Variants in WWOX observed in about 807,000 individuals in gnomAD.
The protein encoded by WWOX is WW domain containing oxidoreductase.
A neutral mutation model predicts 46.2 loss-of-function variants in WWOX; 69 were observed. That is an observed-to-expected ratio of 1.49 (90% CI 1.23 to 1.82). The LOEUF is 1.82. Among genes scored for constraint, WWOX ranks in the 40% most tolerant of loss-of-function variants. The probability of loss-of-function intolerance (pLI) is 0.00; values close to 1 mark genes in which losing one functional copy is unlikely to be tolerated. For missense variants in WWOX, 919 were observed against 542.6 expected, an observed-to-expected ratio of 1.69 and a Z score of -6.89; for synonymous variants, 359 against 202.6, an observed-to-expected ratio of 1.77 and a Z score of -6.56.
chr16:78,420,379 T>A (rs2082895404), intron 6 of WWOX, among the ~76,000 whole-genome samples: 1 of 152,172 alleles, frequency 6.6e-6, no homozygotes. Flanking sequence ...TATCCATCAT[T>A]GGTGAATGGA....
intron 5 of WWOX, among the ~76,000 whole-genome samples, chr16:78,276,440 C>T (rs144555297): frequency 3.2e-4 from 48 of 152,294 alleles, no homozygotes; most frequent in African/African-American, 1.1e-3. Flanking sequence ...GTGTCCACAG[C>T]GATGTCAAGG....
chr16:78,126,608 G>C (rs781088465), intron 4 of WWOX, among the ~76,000 whole-genome samples: 1 of 152,068 alleles, frequency 6.6e-6, no homozygotes. Flanking sequence ...TTTATAAAGT[G>C]TCTATTACTT....
At chr16:79,117,282 T>C (rs983524094) in intron 8 of WWOX, among the ~76,000 whole-genome samples, 2 of 152,112 alleles carry the variant, frequency 1.3e-5, no homozygotes, top group East Asian at 3.9e-4. Context: ...GTGCCACAAT[T>C]ACAGGTGTGA....
At chr16:78,877,709 T>C (rs1396684629) in intron 8 of WWOX, among the ~76,000 whole-genome samples, 2 of 152,218 alleles carry the variant, frequency 1.3e-5, no homozygotes, top group Non-Finnish European at 2.9e-5. Flanking sequence ...TTTTTGTCTC[T>C]TTTGCTCACT....
intron 8 of WWOX, among the ~76,000 whole-genome samples, chr16:78,957,426 G>T (rs2046189549): frequency 6.6e-6 from 1 of 152,134 alleles, no homozygotes; most frequent in Non-Finnish European, 1.5e-5. Flanking sequence ...AATGCTTCAG[G>T]CCTGAACTTG....
chr16:78,622,794 G>T (rs1432477547), intron 8 of WWOX, among the ~76,000 whole-genome samples: 1 of 152,152 alleles, frequency 6.6e-6, no homozygotes, highest in Non-Finnish European at 1.5e-5. Flanking sequence ...TACCATTAAG[G>T]TCTTACATGA....
intron 8 of WWOX, among the ~76,000 whole-genome samples, chr16:78,624,080 G>C (rs1483244142): frequency 6.6e-6 from 1 of 152,150 alleles, no homozygotes; most frequent in Non-Finnish European, 1.5e-5. Context: ...CCTGCTTCTT[G>C]AATCACATTG....
At chr16:78,497,004 G>C (rs1441050624) in intron 8 of WWOX, among the ~76,000 whole-genome samples, 1 of 152,236 alleles carries the variant, frequency 6.6e-6, no homozygotes, top group Non-Finnish European at 1.5e-5. Context: ...GTTAGTAATG[G>C]GAAACTTTGG....
intron 8 of WWOX, among the ~76,000 whole-genome samples, chr16:78,683,293 C>T (rs993038041): frequency 2.0e-4 from 24 of 119,944 alleles, no homozygotes; most frequent in African/African-American, 5.8e-4. Flanking sequence ...GGTGGATTGC[C>T]TGAGCTCAGG....
chr16:79,091,690 C>T (rs968859123), intron 8 of WWOX, among the ~76,000 whole-genome samples: 2 of 152,020 alleles, frequency 1.3e-5, no homozygotes, highest in Admixed American at 1.3e-4. Flanking sequence ...GTTAAAGCAG[C>T]TCGCCTAAGG....
At chr16:78,401,969 G>T (rs533095744) in intron 6 of WWOX, among the ~76,000 whole-genome samples, 1 of 152,246 alleles carries the variant, frequency 6.6e-6, no homozygotes, top group East Asian at 1.9e-4. Context: ...AAAGTGCTGG[G>T]ATTACAGGCG....
chr16:78,578,254 T>TTTTATATA (rs1462537260), intron 8 of WWOX, among the ~76,000 whole-genome samples: 12 of 31,644 alleles, frequency 3.8e-4, no homozygotes, highest in Middle Eastern at 0.024. Flanking sequence ...ATACCAAATT[T>TTTTATATA]TATATATATA....
At chr16:78,894,396 A>G (rs2044656578) in intron 8 of WWOX, among the ~76,000 whole-genome samples, 1 of 152,174 alleles carries the variant, frequency 6.6e-6, no homozygotes, top group Non-Finnish European at 1.5e-5. Context: ...CAAAGTTAGT[A>G]ATGTTCAGTG....
intron 8 of WWOX, among the ~76,000 whole-genome samples, chr16:78,488,887 A>G (rs951937445): frequency 6.6e-6 from 1 of 151,596 alleles, no homozygotes; most frequent in East Asian, 1.9e-4. Flanking sequence ...TCAGTGGGCC[A>G]CATCTGTTGT....
intron 4 of WWOX, among the ~76,000 whole-genome samples, chr16:78,120,117 A>T (rs530671310): frequency 6.6e-6 from 1 of 152,128 alleles, no homozygotes; most frequent in Non-Finnish European, 1.5e-5. Context: ...TGCATTTTCT[A>T]TTGGTACTTA....
At chr16:79,049,750 G>T (rs1386321816) in intron 8 of WWOX, among the ~76,000 whole-genome samples, 1 of 151,084 alleles carries the variant, frequency 6.6e-6, no homozygotes, top group Non-Finnish European at 1.5e-5. Context: ...GCAGAGAATT[G>T]CTTGAACCTG....
At chr16:78,444,927 GTTGTAC>G (rs1282323520) in intron 8 of WWOX, among the ~76,000 whole-genome samples, 1 of 152,188 alleles carries the variant, frequency 6.6e-6, no homozygotes, top group Non-Finnish European at 1.5e-5. Context: ...AAGTGATGGG[GTTGTAC>G]TTGGAATGAC....
intron 6 of WWOX, among the ~76,000 whole-genome samples, chr16:78,407,855 T>G (rs1177838421): frequency 6.6e-6 from 1 of 152,226 alleles, no homozygotes; most frequent in African/African-American, 2.4e-5. Context: ...AAACACGCAC[T>G]TCCTATGGAC....
At chr16:78,180,966 T>G (rs2035514629) in intron 5 of WWOX, among the ~76,000 whole-genome samples, 1 of 152,180 alleles carries the variant, frequency 6.6e-6, no homozygotes, top group African/African-American at 2.4e-5. Context: ...TGGAGGTAAG[T>G]ATAAAAACCT....
Sources: gnomAD v4.1 joint callset for allele counts (sites outside exome capture counted in the v4.1 genomes callset) on GRCh38, gnomAD v4.1.1 for gene constraint, MANE v1.5 for transcripts, NCBI Gene and HGNC (gene_info 2026-07-23, HGNC 2026-07-21) for gene names.